Variants in HSD17B4 observed in about 807,000 individuals in gnomAD.
HSD17B4 encodes the protein hydroxysteroid 17-beta dehydrogenase 4.
In HSD17B4, 70 loss-of-function variants were observed where a neutral mutation model predicts 101.0. The observed-to-expected ratio is 0.69, with a 90% confidence interval of 0.57 to 0.85. The LOEUF (loss-of-function observed/expected upper bound fraction) is 0.85. Ranked by LOEUF, HSD17B4 falls within the 40% of genes least tolerant of loss-of-function variation. The pLI is 0.00. For missense variants in HSD17B4, 984 were observed against 892.4 expected (o/e 1.10, Z -1.31); for synonymous variants, 347 against 297.1 (o/e 1.17, Z -1.73).
chr5:119,488,718 A>G (rs1749827255), intron 8 of HSD17B4, among the ~76,000 whole-genome samples: 1 of 152,130 alleles, frequency 6.6e-6, no homozygotes, highest in Admixed American at 6.6e-5. Flanking sequence ...GTCTATTTCA[A>G]TCATTATCTG....
chr5:119,528,659 A>G (rs1753805705), intron 20 of HSD17B4, among the ~76,000 whole-genome samples: 1 of 152,148 alleles, frequency 6.6e-6, no homozygotes. Context: ...GACCATGACT[A>G]TATTACAGGT....
chr5:119,472,065 T>C (rs1195474123), intron 2 of HSD17B4, among the ~76,000 whole-genome samples: 2 of 152,226 alleles, frequency 1.3e-5, no homozygotes, highest in African/African-American at 4.8e-5. Context: ...GTTAAACATA[T>C]GAACATGGAG....
At chr5:119,523,778 C>G (rs1246563086) in intron 17 of HSD17B4, among the ~76,000 whole-genome samples, 2 of 151,980 alleles carry the variant, frequency 1.3e-5, no homozygotes, top group African/African-American at 4.8e-5. Flanking sequence ...AAGATAATAC[C>G]TTGTAAGCTT....
At position 119,527,213 on chromosome 5, in the gene HSD17B4, A is replaced by C; in HGVS notation, c.1761A>C (p.Gln587His). 1 of 1,593,082 alleles carries C rather than the reference A, an allele frequency of 6.3e-7. No homozygotes were observed. Among genetic ancestry groups the C allele is most frequent in the South Asian group, 1.1e-5 (1 of 90,652 alleles). The change falls in exon 20 of 24, where the codon CAA (glutamine) becomes CAC (histidine). Residue 587 changes from glutamine to histidine, a missense_variant. Physicochemically the swap from Gln to His is conservative, Grantham distance 24. Transcript: ENST00000510025. ...MWKEGNRIHF[Q>H]TKVQETGDIV... ...AGGAAGGAAACAGAATTCATTTTCA[A>C]ACCAAGGTATGAATTTTGCTTTTTC...
intron 13 of HSD17B4, 69 bp downstream of exon 13, chr5:119,499,622 T>TTATA: frequency 2.4e-6 from 2 of 844,244 alleles, no homozygotes; most frequent in Non-Finnish European, 4.1e-6. Flanking sequence ...ATGTCATATC[T>TTATA]TATATATATG....
chr5:119,526,236 T>C (rs1753582727), intron 19 of HSD17B4, among the ~76,000 whole-genome samples: 1 of 151,638 alleles, frequency 6.6e-6, no homozygotes, highest in African/African-American at 2.4e-5. Context: ...AGTTGCAATT[T>C]TGACAGATTA....
intron 2 of HSD17B4, among the ~76,000 whole-genome samples, chr5:119,466,351 C>A (rs1435839935): frequency 1.3e-5 from 2 of 152,150 alleles, no homozygotes; most frequent in Non-Finnish European, 2.9e-5. Context: ...TGTTCCCTCC[C>A]CCTTCAATTT....
At chr5:119,474,863 A>C (rs139574985) in intron 4 of HSD17B4, among the ~76,000 whole-genome samples, 62 of 152,150 alleles carry the variant, frequency 4.1e-4, no homozygotes, top group Admixed American at 3.9e-3. Context: ...ATTACTTAAG[A>C]TGATTTCTCT....
In HSD17B4 at chr5:119,525,995, A is replaced by G; in HGVS notation, c.1652A>G (p.Asn551Ser). The G allele has an allele frequency of 1.2e-6, 2 of 1,605,206 alleles. No individual in the cohort carries two copies. The highest frequency in any genetic ancestry group is 8.5e-7 in the Non-Finnish European group (1 of 1,172,142). ...CGTGTGTTACAGCAGTTTGCAGATAATGATGTGTCAAGATTCAAGGCAATT... is the reference window on the plus strand; with the variant it reads ...CGTGTGTTACAGCAGTTTGCAGATAGTGATGTGTCAAGATTCAAGGCAATT... The part of the protein sequence containing the change: ...ARRVLQQFAD[N>S]DVSRFKAIKA... Residue 551 changes from asparagine to serine, a missense_variant, in exon 19 of 24, where the codon AAT becomes AGT. Asn to Ser is a conservative substitution (Grantham distance 46). Transcript: ENST00000510025.
chr5:119,507,783 CAAA>C (rs199606262), intron 15 of HSD17B4, among the ~76,000 whole-genome samples: 3 of 116,832 alleles, frequency 2.6e-5, no homozygotes, highest in African/African-American at 2.9e-5. Flanking sequence ...GACTCTGTAC[CAAA>C]AAAAAAAAAA....
At chr5:119,522,047 A>G (rs757936948) in intron 17 of HSD17B4, among the ~76,000 whole-genome samples, 5 of 151,580 alleles carry the variant, frequency 3.3e-5, no homozygotes, top group Admixed American at 6.6e-5. Context: ...TTAACTCGTC[A>G]TTTACGTTAG....
intron 17 of HSD17B4, among the ~76,000 whole-genome samples, chr5:119,517,135 C>T (rs1244996208): frequency 2.6e-5 from 4 of 152,186 alleles, no homozygotes; most frequent in South Asian, 2.1e-4. Flanking sequence ...CGGGGCTGCG[C>T]GCGGCGCTCG....
Position 119,478,922 on chromosome 5 carries a change from G to A in HSD17B4, c.523G>A (p.Ala175Thr), listed in dbSNP as rs1554062814. Residue 175 changes from alanine to threonine, a missense_variant, in exon 8 of 24, where the codon GCA becomes ACA. Ala to Thr is a moderately conservative substitution (Grantham distance 58, BLOSUM62 0). Coordinates refer to ENST00000510025, the MANE Select transcript of HSD17B4 (RefSeq NM_000414.4). ...SAAKLGLLGL[A>T]NSLAIEGRKS... ...TGCAAAGTTGGGTCTTCTGGGCCTT[G>A]CAAATTCTCTTGCAATTGAAGGCAG... 5 of 1,613,632 alleles carry A rather than the reference G, an allele frequency of 3.1e-6. No homozygotes were observed. The East Asian group carries it at 1.1e-4, about 36-fold the overall frequency.
At chr5:119,455,556 C>T (rs1220207083) in intron 1 of HSD17B4, among the ~76,000 whole-genome samples, 1 of 129,720 alleles carries the variant, frequency 7.7e-6, no homozygotes, top group East Asian at 2.2e-4. Context: ...CTCTCTCTCT[C>T]TCTCTCTCTC....
At chr5:119,506,713 T>C in intron 14 of HSD17B4, 105 bp from the exon 15 acceptor site, 1 of 646,450 alleles carries the variant, frequency 1.5e-6, no homozygotes, top group Non-Finnish European at 2.8e-6. Context: ...CATAGTTTTT[T>C]AGTTTTGCTG....
chr5:119,516,942 G>A (rs1752661766), intron 17 of HSD17B4, among the ~76,000 whole-genome samples: 1 of 152,272 alleles, frequency 6.6e-6, no homozygotes, highest in African/African-American at 2.4e-5. Context: ...ACAGCGTGCT[G>A]GCAGTCCTCA....
intron 22 of HSD17B4, 25 bp from the exon 23 acceptor site, chr5:119,536,398 A>G: frequency 1.2e-6 from 2 of 1,608,952 alleles, no homozygotes; most frequent in Non-Finnish European, 1.7e-6. Flanking sequence ...AAAGATACAC[A>G]TTGGTTTCTT....
intron 20 of HSD17B4, among the ~76,000 whole-genome samples, chr5:119,528,064 G>T (rs2678074): frequency 0.62 from 94,826 of 151,966 alleles, 30,162 homozygotes; most frequent in East Asian, 0.92. Flanking sequence ...ATGATAATAG[G>T]AACAGCTTTC....
intron 11 of HSD17B4, among the ~76,000 whole-genome samples, chr5:119,494,230 A>G (rs1750385070): frequency 6.6e-6 from 1 of 152,114 alleles, no homozygotes; most frequent in Non-Finnish European, 1.5e-5. Context: ...GAATGCACTT[A>G]CATCCTCACT....
Sources: gnomAD v4.1 joint callset for allele counts (sites outside exome capture counted in the v4.1 genomes callset) on GRCh38, gnomAD v4.1.1 for gene constraint, MANE v1.5 for transcripts, NCBI Gene and HGNC (gene_info 2026-07-23, HGNC 2026-07-21) for gene names.